The following POU6F2 variants were observed in gnomAD, a reference collection of about 807,000 sequenced individuals.
POU6F2 encodes POU class 6 homeobox 2.
POU6F2 carries 31 observed loss-of-function variants against 71.3 expected under a neutral mutation model. That is an observed-to-expected ratio of 0.43 (90% CI 0.33 to 0.59). The LOEUF is 0.59. Among genes scored for constraint, POU6F2 ranks in the 20% least tolerant of loss-of-function variants. The pLI is 0.04. For synonymous variants in POU6F2, 347 were observed against 355.7 expected, an observed-to-expected ratio of 0.98 and a Z score of 0.27; for missense variants, 783 against 856.8, an observed-to-expected ratio of 0.91 and a Z score of 1.07.
At position 39,237,799 on chromosome 7, in the gene POU6F2, A is replaced by AT. The variant is rs72005754; in HGVS notation, c.598+30188dup. Among the ~76,000 whole-genome samples the AT allele has an allele frequency of 8.9e-3, 1,350 of 151,588 alleles. 16 individuals carry two copies. The highest frequency in any genetic ancestry group is 0.028 in the African/African-American group (1,167 of 41,300). On this transcript the variant is annotated intron_variant, in intron 4 of 9. Transcript: ENST00000518318. ...CTCAAATGAAAACTCACTTTTAAAC[A>AT]TTTTTTTTTAATAAAAAAGCATGTC...
At chr7:39,430,053 A>G (rs17171577) in intron 6 of POU6F2, among the ~76,000 whole-genome samples, 3,704 of 152,256 alleles carry the variant, frequency 0.024, 143 homozygotes, top group African/African-American at 0.085. Flanking sequence ...TGGCCGTGCT[A>G]AAAGGAATCA....
intron 4 of POU6F2, among the ~76,000 whole-genome samples, chr7:39,246,179 T>C (rs188428520): frequency 3.3e-4 from 51 of 152,320 alleles, no homozygotes; most frequent in Non-Finnish European, 6.9e-4. Flanking sequence ...TATGAAATCA[T>C]GTTTGACTTC....
chr7:39,085,415 G>A (rs1791217278), intron 1 of POU6F2, among the ~76,000 whole-genome samples: 1 of 151,904 alleles, frequency 6.6e-6, no homozygotes, highest in Non-Finnish European at 1.5e-5. Context: ...AATAGCCCGT[G>A]GTTCCTCCAT....
intron 4 of POU6F2, among the ~76,000 whole-genome samples, chr7:39,264,478 G>A (rs1012024585): frequency 6.6e-6 from 1 of 152,154 alleles, no homozygotes; most frequent in African/African-American, 2.4e-5. Context: ...TTTCCTGAGT[G>A]TATCATTTGG....
chr7:38,984,054 G>T (rs1188122107), intron 1 of POU6F2, among the ~76,000 whole-genome samples: 1 of 151,972 alleles, frequency 6.6e-6, no homozygotes, highest in African/African-American at 2.4e-5. Flanking sequence ...CCTTTCAACA[G>T]CACTTTTTTA....
intron 4 of POU6F2, among the ~76,000 whole-genome samples, chr7:39,223,293 C>A (rs1202500568): frequency 6.6e-6 from 1 of 152,122 alleles, no homozygotes; most frequent in Non-Finnish European, 1.5e-5. Context: ...GCTTTGTGCC[C>A]TTCAAATTGT....
At chr7:39,113,801 G>C (rs535808071) in intron 2 of POU6F2, among the ~76,000 whole-genome samples, 3 of 152,242 alleles carry the variant, frequency 2.0e-5, no homozygotes, top group African/African-American at 7.2e-5. Context: ...GCTTATAATG[G>C]AGATTCACGA....
intron 2 of POU6F2, among the ~76,000 whole-genome samples, chr7:39,173,166 G>A (rs909084039): frequency 6.6e-6 from 1 of 152,128 alleles, no homozygotes; most frequent in Non-Finnish European, 1.5e-5. Flanking sequence ...GTTAGAAATG[G>A]ACCTACGCAT....
intron 5 of POU6F2, among the ~76,000 whole-genome samples, chr7:39,393,752 C>G (rs200146475): frequency 2.0e-5 from 3 of 152,082 alleles, no homozygotes; most frequent in African/African-American, 7.2e-5. Context: ...ATGAGGCAAG[C>G]AAGCCATTAT....
chr7:39,064,667 G>A (rs1322683605), intron 1 of POU6F2, among the ~76,000 whole-genome samples: 1 of 151,786 alleles, frequency 6.6e-6, no homozygotes, highest in Non-Finnish European at 1.5e-5. Flanking sequence ...TGTAAGATAT[G>A]AATAGCAACT....
intron 1 of POU6F2, among the ~76,000 whole-genome samples, chr7:38,995,965 C>T (rs915991504): frequency 1.3e-5 from 2 of 150,632 alleles, no homozygotes; most frequent in Non-Finnish European, 2.9e-5. Flanking sequence ...TGGAAGTGCT[C>T]ATCCATCTTT....
At chr7:39,173,334 G>T (rs1004080848) in intron 2 of POU6F2, among the ~76,000 whole-genome samples, 1 of 152,162 alleles carries the variant, frequency 6.6e-6, no homozygotes, top group Non-Finnish European at 1.5e-5. Flanking sequence ...AACTAGCTCT[G>T]TGCTTATTAG....
chr7:39,013,738 G>A (rs1004273510), intron 1 of POU6F2, among the ~76,000 whole-genome samples: 2 of 152,122 alleles, frequency 1.3e-5, no homozygotes, highest in Non-Finnish European at 2.9e-5. Flanking sequence ...TTCTATTAAC[G>A]GCATTTGTCT....
intron 1 of POU6F2, among the ~76,000 whole-genome samples, chr7:39,072,060 A>G (rs990865672): frequency 6.6e-6 from 1 of 152,206 alleles, no homozygotes; most frequent in African/African-American, 2.4e-5. Flanking sequence ...AACCAGCTGC[A>G]TGGAGAAAGG....
chr7:39,265,382 T>A (rs2128755471), intron 4 of POU6F2, among the ~76,000 whole-genome samples: 1 of 152,274 alleles, frequency 6.6e-6, no homozygotes, highest in South Asian at 2.1e-4. Flanking sequence ...CACCCCAACT[T>A]CCCTCAGAGA....
chr7:39,301,879 C>G (rs1784954226), intron 4 of POU6F2, among the ~76,000 whole-genome samples: 1 of 152,094 alleles, frequency 6.6e-6, no homozygotes, highest in Non-Finnish European at 1.5e-5. Flanking sequence ...GACTTTCTGC[C>G]TAAATCCACA....
intron 9 of POU6F2, among the ~76,000 whole-genome samples, chr7:39,462,238 A>G (rs1788966189): frequency 6.6e-6 from 1 of 152,224 alleles, no homozygotes. Context: ...GACTTTGGGA[A>G]TTTCTAGTAT....
intron 5 of POU6F2, among the ~76,000 whole-genome samples, chr7:39,365,225 A>G (rs936658751): frequency 3.9e-5 from 6 of 152,232 alleles, no homozygotes; most frequent in Admixed American, 3.9e-4. Flanking sequence ...ACTTGGAAAT[A>G]AACCCAAATA....
chr7:39,182,128 A>G (rs189654809), intron 2 of POU6F2, among the ~76,000 whole-genome samples: 10 of 152,364 alleles, frequency 6.6e-5, no homozygotes, highest in African/African-American at 2.4e-4. Flanking sequence ...CATTGCTTAT[A>G]ATATTGACAT....
Sources: gnomAD v4.1 joint callset for allele counts (sites outside exome capture counted in the v4.1 genomes callset) on GRCh38, gnomAD v4.1.1 for gene constraint, MANE v1.5 for transcripts, NCBI Gene and HGNC (gene_info 2026-07-23, HGNC 2026-07-21) for gene names.